The following RAB33A variants were observed in gnomAD, a reference collection of about 807,000 sequenced individuals.
RAB33A encodes ras-related protein Rab-33A.
RAB33A carries 6 observed loss-of-function variants against 12.0 expected under a neutral mutation model. The observed-to-expected ratio is 0.50, with a 90% CI of 0.27 to 0.99. The LOEUF is 0.99. RAB33A is among the 50% of genes least tolerant of loss of function. RAB33A has a pLI of 0.11. For missense variants in RAB33A, 109 were observed against 192.0 expected, an observed-to-expected ratio of 0.57 and a Z score of 2.55; for synonymous variants, 70 against 82.4, an observed-to-expected ratio of 0.85 and a Z score of 0.81.
chrX:130,172,282 A>T lies in RAB33A; in HGVS notation c.220A>T (p.Arg74Trp). The T allele has an allele frequency of 8.3e-7, 1 of 1,211,302 alleles. No individual in the cohort carries two copies. The highest frequency in any genetic ancestry group is 1.8e-5 in the South Asian group (1 of 56,873). Residue 74 changes from arginine (R) to tryptophan (W), a missense_variant, in exon 1 of 2, where the codon AGG becomes TGG. Coordinates refer to ENST00000257017, the MANE Select transcript of RAB33A (RefSeq NM_004794.3). Reference protein sequence around the residue: ...KTEATIGVDFREKTVEIEGEK... With the variant: ...KTEATIGVDFWEKTVEIEGEK... ...TGAAGCCACCATCGGCGTGGACTTC[A>T]GGGAGAAGACCGTGGAAATCGAGGG...
the RAB33A span, chrX:130,130,060 G>A: frequency 8.3e-6 from 10 of 1,209,851 alleles, no homozygotes; most frequent in Admixed American, 6.6e-5. Context: ...CACCTTTGCC[G>A]TAGTCCTCCC....
the RAB33A span, among the ~76,000 whole-genome samples, chrX:130,160,142 T>C: frequency 1.1e-4 from 12 of 112,400 alleles, no homozygotes; most frequent in South Asian, 3.7e-4. Context: ...CTTTTAAAAC[T>C]TTTTATATAC....
the RAB33A span, chrX:130,165,965 G>T: frequency 4.7e-5 from 16 of 344,027 alleles, no homozygotes; most frequent in African/African-American, 3.9e-4. Context: ...GCTCTAGGTA[G>T]CCGGTTTTCG....
chrX:130,135,965 A>C, the RAB33A span: 2 of 1,166,264 alleles, frequency 1.7e-6, no homozygotes. Flanking sequence ...GCTGTTGATG[A>C]GCTTTAGCAC....
At chrX:130,141,689 G>A in the RAB33A span, among the ~76,000 whole-genome samples, 4 of 111,100 alleles carry the variant, frequency 3.6e-5, no homozygotes. Context: ...ATATTCCTAC[G>A]AATCACTGTT....
At chrX:130,133,147 C>T in the RAB33A span, among the ~76,000 whole-genome samples, 1 of 111,919 alleles carries the variant, frequency 8.9e-6, no homozygotes, top group African/African-American at 3.2e-5. Context: ...CAGGACACTT[C>T]TGCCAGATGG....
the RAB33A span, chrX:130,129,395 T>C: frequency 2.0e-6 from 1 of 493,820 alleles, no homozygotes; most frequent in East Asian, 3.6e-5. Flanking sequence ...TATTTCACTA[T>C]GTGAACATTA....
intron 1 of RAB33A, 77 bp from the exon 2 acceptor site, chrX:130,184,208 T>C: frequency 1.0e-6 from 1 of 963,010 alleles, no homozygotes; most frequent in Non-Finnish European, 1.4e-6. Flanking sequence ...ATTTTTATAG[T>C]GCTACAGAAC....
At chrX:130,122,133 C>T in the RAB33A span, among the ~76,000 whole-genome samples, 52 of 112,083 alleles carry the variant, frequency 4.6e-4, no homozygotes, top group African/African-American at 1.7e-3. Context: ...GGTTTTCATA[C>T]CACCCCCTTG....
At chrX:130,181,139 C>T (rs2031723764) in intron 1 of RAB33A, among the ~76,000 whole-genome samples, 1 of 108,530 alleles carries the variant, frequency 9.2e-6, no homozygotes, top group Admixed American at 9.9e-5. Context: ...TGGCCGAGGG[C>T]CGAGGGACAC....
chrX:130,172,331 G>T lies in RAB33A; in HGVS notation c.258+11G>T, dbSNP rs372350644. 8.4e-7 allele frequency: 1 copy of T among 1,191,722 alleles called. No individual in the cohort carries two copies. The highest frequency in any genetic ancestry group is 1.9e-5 in the South Asian group (1 of 53,515). On this transcript the variant is annotated intron_variant, in intron 1 of 1. Transcript: ENST00000257017. ...GGCGAGAAGATCAAGGTGATCCAGGGGGTCAGGTCCAGGAAGGGTGGGACC... is the reference window on the plus strand; with the variant it reads ...GGCGAGAAGATCAAGGTGATCCAGGTGGTCAGGTCCAGGAAGGGTGGGACC...
At chrX:130,178,968 T>A (rs1436862203) in intron 1 of RAB33A, among the ~76,000 whole-genome samples, 5 of 106,902 alleles carry the variant, frequency 4.7e-5, no homozygotes, top group Non-Finnish European at 7.8e-5. Context: ...TTTTTTTTTT[T>A]AATGAGATCA....
chrX:130,120,120 T>A, the RAB33A span, among the ~76,000 whole-genome samples: 1 of 112,399 alleles, frequency 8.9e-6, no homozygotes, highest in Non-Finnish European at 1.9e-5. Context: ...TCATGGCTTC[T>A]AGAGCTCAGG....
At chrX:130,161,017 T>C in the RAB33A span, among the ~76,000 whole-genome samples, 1 of 111,973 alleles carries the variant, frequency 8.9e-6, no homozygotes, top group East Asian at 2.8e-4. Flanking sequence ...TCAAACACCA[T>C]AGACCAGCAT....
the RAB33A span, chrX:130,138,755 T>C: frequency 7.1e-6 from 6 of 839,812 alleles, no homozygotes; most frequent in Non-Finnish European, 1.1e-5. Context: ...CATAGGATAA[T>C]AATACTAGAA....
At chrX:130,136,760 A>G in the RAB33A span, 1 of 1,176,924 alleles carries the variant, frequency 8.5e-7, no homozygotes, top group Non-Finnish European at 1.2e-6. Context: ...CCTGAGAGTG[A>G]GCCTACAAGG....
chrX:130,130,765 G>C, the RAB33A span, among the ~76,000 whole-genome samples: 1 of 111,820 alleles, frequency 8.9e-6, no homozygotes, highest in Non-Finnish European at 1.9e-5. Context: ...ACTTCCATTT[G>C]GAAAAACCAT....
At chrX:130,164,588 C>T in the RAB33A span, among the ~76,000 whole-genome samples, 1 of 111,597 alleles carries the variant, frequency 9.0e-6, no homozygotes, top group Non-Finnish European at 1.9e-5. Context: ...CATTCATTGC[C>T]CCCATGAAGT....
the RAB33A span, among the ~76,000 whole-genome samples, chrX:130,146,451 A>ATATGTGTG: frequency 1.1e-3 from 101 of 89,445 alleles, 1 homozygote; most frequent in African/African-American, 4.2e-3. Flanking sequence ...CTCTCAAAAT[A>ATATGTGTG]TGTGTGTGTG....
Sources: allele counts gnomAD v4.1 joint callset (sites outside exome capture counted in the v4.1 genomes callset), GRCh38; gene constraint gnomAD v4.1.1; transcripts MANE v1.5; gene names NCBI Gene and HGNC (gene_info 2026-07-23, HGNC 2026-07-21).